The following SCOC variants were observed in gnomAD, a reference collection of about 807,000 sequenced individuals.
The protein encoded by SCOC is short coiled coil protein.
A neutral mutation model predicts 9.9 loss-of-function variants in SCOC; 7 were observed. That is an observed-to-expected ratio of 0.71 (90% CI 0.40 to 1.33). The LOEUF (loss-of-function observed/expected upper bound fraction) is 1.33, where lower values mean the gene tolerates loss of function less well. Ranked by LOEUF, SCOC falls within the 40% of genes most tolerant of loss-of-function variation. The pLI is 0.01. For synonymous variants in SCOC, 19 were observed against 28.2 expected (o/e 0.67, Z 1.03); for missense variants, 66 against 89.7 (o/e 0.74, Z 1.07).
chr4:140,381,197 T>C lies in SCOC; in HGVS notation c.*93T>C, dbSNP rs1212727916. ...CCAAAAGTTACAGTACCTTTGTGGC[T>C]TCATTGAATATTTATGAAGATAATG... On this transcript the variant is annotated 3_prime_UTR_variant, in exon 4 of 4. Coordinates refer to ENST00000608372, the MANE Select transcript of SCOC (RefSeq NM_001153484.2). The C allele has an allele frequency of 8.2e-7, 1 of 1,220,920 alleles. No individual in the cohort carries two copies. The highest frequency in any genetic ancestry group is 1.1e-6 in the Non-Finnish European group (1 of 882,136). 75.6% of individuals were successfully genotyped at this position (1,220,920 alleles called of 1,614,324 possible). A position where few individuals can be genotyped will look rare whatever the true frequency, so the allele number is the denominator to read the frequency against.
chr4:140,288,902 A>G (rs570985670), intron 1 of SCOC, among the ~76,000 whole-genome samples: 3 of 152,084 alleles, frequency 2.0e-5, no homozygotes, highest in Non-Finnish European at 2.9e-5. Flanking sequence ...CAGCTCCACC[A>G]TATATGCATA....
chr4:140,292,189 GTTTT>G (rs5862468), intron 1 of SCOC, among the ~76,000 whole-genome samples: 1 of 135,426 alleles, frequency 7.4e-6, no homozygotes, highest in Non-Finnish European at 1.6e-5. Context: ...TACTCTTCTG[GTTTT>G]TTTTTTTTTT....
intron 1 of SCOC, among the ~76,000 whole-genome samples, chr4:140,331,746 C>T (rs1306232930): frequency 5.3e-5 from 8 of 152,194 alleles, no homozygotes. Flanking sequence ...AAGTTTATAT[C>T]TCCCCTAGCT....
chr4:140,349,422 C>T (rs1221048188), intron 2 of SCOC, among the ~76,000 whole-genome samples: 2 of 152,180 alleles, frequency 1.3e-5, no homozygotes, highest in African/African-American at 4.8e-5. Flanking sequence ...AAACAAAGCA[C>T]ATCTGCAGGA....
At chr4:140,265,510 C>T (rs545033149) in intron 1 of SCOC, among the ~76,000 whole-genome samples, 183 of 152,278 alleles carry the variant, frequency 1.2e-3, no homozygotes, top group African/African-American at 4.1e-3. Context: ...AGCGCAGCCA[C>T]GTGGTGGAAG....
chr4:140,335,904 C>T (rs1051145173), intron 1 of SCOC, among the ~76,000 whole-genome samples: 1 of 152,144 alleles, frequency 6.6e-6, no homozygotes, highest in African/African-American at 2.4e-5. Flanking sequence ...TTATATCTCA[C>T]TGCCCACTTA....
intron 1 of SCOC, among the ~76,000 whole-genome samples, chr4:140,273,725 T>G (rs527621176): frequency 1.8e-4 from 27 of 152,326 alleles, no homozygotes; most frequent in African/African-American, 5.8e-4. Flanking sequence ...TTGCATAATT[T>G]GTTCATGTTT....
chr4:140,299,362 A>G (rs1291877047), intron 1 of SCOC, among the ~76,000 whole-genome samples: 1 of 152,226 alleles, frequency 6.6e-6, no homozygotes, highest in Non-Finnish European at 1.5e-5. Flanking sequence ...CAGAAGTCAT[A>G]TGAATTCATA....
intron 1 of SCOC, among the ~76,000 whole-genome samples, chr4:140,295,518 C>T (rs906595279): frequency 2.0e-5 from 3 of 152,176 alleles, no homozygotes; most frequent in Non-Finnish European, 2.9e-5. Context: ...GGCAGGATAG[C>T]TCCTGGGGGC....
At chr4:140,309,107 T>A (rs1190629819) in intron 1 of SCOC, among the ~76,000 whole-genome samples, 1 of 152,156 alleles carries the variant, frequency 6.6e-6, no homozygotes, top group Non-Finnish European at 1.5e-5. Context: ...AAGGTATCAT[T>A]GAGCATAAGA....
In SCOC at chr4:140,333,811, G is replaced by A. The variant is rs569170999; in HGVS notation, c.-18-9810G>A. On this transcript the variant is annotated intron_variant, in intron 1 of 4. Transcript: ENST00000394205. ...GCTTAAAGATAATTGGACAAAACAG[G>A]AAGCTACAAATCCACATCATTTAAC... Among the ~76,000 whole-genome samples, 65 of 152,282 alleles carry A rather than the reference G, an allele frequency of 4.3e-4. No individual in the cohort carries two copies. In the Middle Eastern group the frequency reaches 0.02, roughly 48 times the overall value.
At chr4:140,355,218 T>A (rs1578849143) in intron 2 of SCOC, among the ~76,000 whole-genome samples, 1 of 10,162 alleles carries the variant, frequency 9.8e-5, no homozygotes, top group Non-Finnish European at 2.0e-4. Flanking sequence ...TTTTTATATA[T>A]ATATATATAT....
chr4:140,365,738 G>A (rs758955383), intron 2 of SCOC, among the ~76,000 whole-genome samples: 4 of 152,040 alleles, frequency 2.6e-5, no homozygotes, highest in Non-Finnish European at 4.4e-5. Context: ...CCACTTCCAC[G>A]TAATGTAAAT....
chr4:140,371,614 A>C (rs2668574), upstream of SCOC, among the ~76,000 whole-genome samples: 1 of 152,232 alleles, frequency 6.6e-6, no homozygotes, highest in African/African-American at 2.4e-5. Context: ...ATTCCTCACC[A>C]GACATCTTTA....
chr4:140,377,459 T>G (rs1358451886), intron 1 of SCOC, among the ~76,000 whole-genome samples: 2 of 152,224 alleles, frequency 1.3e-5, no homozygotes, highest in Non-Finnish European at 2.9e-5. Context: ...AGGGGACAGA[T>G]GCTAGAAGAC....
At chr4:140,369,230 A>G, upstream of SCOC, 1 of 432,114 alleles carries the variant, frequency 2.3e-6, no homozygotes, top group Middle Eastern at 3.7e-4. Flanking sequence ...ACTGTTGAGT[A>G]TAGTATACTA....
At chr4:140,286,510 C>CAA (rs1560683055) in intron 1 of SCOC, among the ~76,000 whole-genome samples, 1 of 152,224 alleles carries the variant, frequency 6.6e-6, no homozygotes, top group South Asian at 2.1e-4. Context: ...TCTGCAAAGA[C>CAA]AAAGCAGAGC....
chr4:140,280,129 T>G (rs1317497540), intron 1 of SCOC, among the ~76,000 whole-genome samples: 1 of 152,116 alleles, frequency 6.6e-6, no homozygotes, highest in African/African-American at 2.4e-5. Context: ...TTTGTCAGTT[T>G]GTTTTGAGAC....
intron 1 of SCOC, among the ~76,000 whole-genome samples, chr4:140,378,912 T>G (rs1728455398): frequency 6.6e-6 from 1 of 152,154 alleles, no homozygotes; most frequent in South Asian, 2.1e-4. Flanking sequence ...ACGGTGGTAT[T>G]TATGTATTTT....
Sources: gnomAD v4.1 joint callset for allele counts (sites outside exome capture counted in the v4.1 genomes callset) on GRCh38, gnomAD v4.1.1 for gene constraint, MANE v1.5 for transcripts, NCBI Gene and HGNC (gene_info 2026-07-23, HGNC 2026-07-21) for gene names.